The following TSHZ2 variants were observed in gnomAD, a reference collection of about 807,000 sequenced individuals.
TSHZ2 encodes teashirt homolog 2.
A neutral mutation model predicts 74.4 loss-of-function variants in TSHZ2; 21 were observed. That is an observed-to-expected ratio of 0.28 (90% CI 0.20 to 0.41). The LOEUF is 0.41. Ranked by LOEUF, TSHZ2 falls within the 10% of genes least tolerant of loss-of-function variation. The pLI, the probability that TSHZ2 is intolerant of heterozygous loss-of-function variation, is 1.00. For synonymous variants in TSHZ2, 540 were observed against 515.3 expected, an observed-to-expected ratio of 1.05 and a Z score of -0.65; for missense variants, 1,244 against 1,293.5, an observed-to-expected ratio of 0.96 and a Z score of 0.59.
chr20:53,363,261 T>A (rs1358360330), intron 2 of TSHZ2, among the ~76,000 whole-genome samples: 2 of 152,248 alleles, frequency 1.3e-5, no homozygotes, highest in African/African-American at 4.8e-5. Flanking sequence ...CCTGGGATCA[T>A]CTTCTGCATC....
intron 2 of TSHZ2, among the ~76,000 whole-genome samples, chr20:53,390,553 C>T (rs1473525737): frequency 2.0e-5 from 3 of 152,168 alleles, no homozygotes; most frequent in African/African-American, 4.8e-5. Flanking sequence ...TCTTCCCTGG[C>T]ACAAGAGAGC....
At chr20:53,047,344 C>T (rs903536556) in intron 1 of TSHZ2, among the ~76,000 whole-genome samples, 16 of 152,226 alleles carry the variant, frequency 1.1e-4, no homozygotes, top group African/African-American at 3.9e-4. Flanking sequence ...ATCCCAAGTA[C>T]CTTCTCTTTG....
chr20:53,409,934 C>T (rs942027308), intron 2 of TSHZ2, among the ~76,000 whole-genome samples: 4 of 144,104 alleles, frequency 2.8e-5, no homozygotes, highest in African/African-American at 5.3e-5. Flanking sequence ...GCAAACTCTG[C>T]CTCTTGGGTT....
chr20:53,082,145 A>G (rs1158727777), intron 1 of TSHZ2, among the ~76,000 whole-genome samples: 2 of 152,192 alleles, frequency 1.3e-5, no homozygotes, highest in Non-Finnish European at 2.9e-5. Context: ...CTTCAACATT[A>G]CAAAAATAAA....
chr20:53,466,444 T>C lies in TSHZ2; in HGVS notation c.*9-20700T>C, dbSNP rs546354574. 2.0e-5 allele frequency among the ~76,000 whole-genome samples: 3 copies of C among 152,288 alleles called. No homozygotes were observed. The South Asian group carries it at 6.2e-4, about 32-fold the overall frequency. Reference sequence around the variant, plus strand: ...TGTAAGTTAGCTGCAATAAATAACATTGGCTCTGCACTCCACTTAGAGAAG... The same window carrying C: ...TGTAAGTTAGCTGCAATAAATAACACTGGCTCTGCACTCCACTTAGAGAAG... On this transcript the variant is annotated intron_variant, in intron 2 of 2. Transcript: ENST00000371497.
At chr20:53,348,534 G>T (rs879681346) in intron 2 of TSHZ2, among the ~76,000 whole-genome samples, 1 of 125,834 alleles carries the variant, frequency 7.9e-6, no homozygotes, top group African/African-American at 3.2e-5. Context: ...GAAAAAAAAA[G>T]AAAAGAAAAA....
chr20:53,080,770 G>A (rs1022453584), intron 1 of TSHZ2, among the ~76,000 whole-genome samples: 1 of 152,232 alleles, frequency 6.6e-6, no homozygotes, highest in East Asian at 1.9e-4. Context: ...GACCTGTACC[G>A]GCCCGCGGCC....
At chr20:53,024,996 C>A (rs1983384016) in intron 1 of TSHZ2, among the ~76,000 whole-genome samples, 1 of 152,062 alleles carries the variant, frequency 6.6e-6, no homozygotes, top group Non-Finnish European at 1.5e-5. Context: ...AAATTTTAAG[C>A]ATGCAACCCT....
intron 2 of TSHZ2, among the ~76,000 whole-genome samples, chr20:53,337,597 C>T (rs1027221175): frequency 6.6e-6 from 1 of 152,184 alleles, no homozygotes; most frequent in African/African-American, 2.4e-5. Flanking sequence ...TCCATAGGAT[C>T]TTCCATGACC....
intron 1 of TSHZ2, among the ~76,000 whole-genome samples, chr20:53,001,203 TGC>T (rs1004606542): frequency 2.1e-5 from 3 of 139,542 alleles, no homozygotes; most frequent in East Asian, 4.3e-4. Flanking sequence ...TGCGTTCATG[TGC>T]GTGTGTGTGT....
chr20:53,028,234 A>G (rs765242018), intron 1 of TSHZ2, among the ~76,000 whole-genome samples: 15 of 152,236 alleles, frequency 9.9e-5, no homozygotes, highest in Non-Finnish European at 1.8e-4. Flanking sequence ...AGCCACACTC[A>G]TGGAGTTTCC....
At chr20:53,461,236 T>G (rs1365262503) in intron 2 of TSHZ2, among the ~76,000 whole-genome samples, 2 of 152,250 alleles carry the variant, frequency 1.3e-5, no homozygotes, top group Admixed American at 1.3e-4. Flanking sequence ...CGGGATATAA[T>G]CTCCTGGTGC....
At chr20:53,446,091 G>A (rs181844388) in intron 2 of TSHZ2, among the ~76,000 whole-genome samples, 16 of 152,186 alleles carry the variant, frequency 1.1e-4, no homozygotes, top group South Asian at 4.2e-4. Flanking sequence ...GTGTCCTCTC[G>A]TTTGGATTCT....
chr20:53,380,135 GGAGA>G (rs949147116), intron 2 of TSHZ2, among the ~76,000 whole-genome samples: 1 of 93,088 alleles, frequency 1.1e-5, no homozygotes, highest in Non-Finnish European at 2.2e-5. Context: ...GTTGATGGTT[GGAGA>G]GTGTGTGTGT....
intron 1 of TSHZ2, among the ~76,000 whole-genome samples, chr20:53,195,029 C>G (rs530309062): frequency 6.6e-6 from 1 of 152,152 alleles, no homozygotes; most frequent in Non-Finnish European, 1.5e-5. Flanking sequence ...CCCTTTGTCA[C>G]CTTCGGGAAG....
intron 1 of TSHZ2, among the ~76,000 whole-genome samples, chr20:53,105,633 A>ATTTTAT (rs1986339980): frequency 1.3e-5 from 2 of 151,652 alleles, no homozygotes; most frequent in Admixed American, 6.6e-5. Flanking sequence ...GTTATATTTT[A>ATTTTAT]TTTTATTTTT....
At chr20:53,389,558 A>G (rs943489331) in intron 2 of TSHZ2, among the ~76,000 whole-genome samples, 1 of 152,230 alleles carries the variant, frequency 6.6e-6, no homozygotes, top group Non-Finnish European at 1.5e-5. Flanking sequence ...GAGGTGACAG[A>G]GTATGGCTGG....
chr20:53,029,491 C>T (rs1168396183), intron 1 of TSHZ2, among the ~76,000 whole-genome samples: 1 of 152,174 alleles, frequency 6.6e-6, no homozygotes, highest in African/African-American at 2.4e-5. Flanking sequence ...GCATGGCCAA[C>T]ATGGTGAAAC....
At chr20:53,040,234 G>A (rs948075402) in intron 1 of TSHZ2, among the ~76,000 whole-genome samples, 3 of 152,214 alleles carry the variant, frequency 2.0e-5, no homozygotes, top group Non-Finnish European at 2.9e-5. Context: ...AAAGGAGCAA[G>A]TCATGGTGAT....
Sources: allele counts gnomAD v4.1 joint callset (sites outside exome capture counted in the v4.1 genomes callset), GRCh38; gene constraint gnomAD v4.1.1; transcripts MANE v1.5; gene names NCBI Gene and HGNC (gene_info 2026-07-23, HGNC 2026-07-21).